The following MACROD2 variants were observed in gnomAD, a reference collection of about 807,000 sequenced individuals.
The protein encoded by MACROD2 is ADP-ribose glycohydrolase MACROD2.
A neutral mutation model predicts 70.4 loss-of-function variants in MACROD2; 36 were observed. That is an observed-to-expected ratio of 0.51 (90% confidence interval 0.39 to 0.68). The LOEUF (loss-of-function observed/expected upper bound fraction) is 0.68, where lower values mean the gene tolerates loss of function less well. Among genes scored for constraint, MACROD2 ranks in the 30% least tolerant of loss-of-function variants. The pLI is 0.00. For missense variants in MACROD2, 496 were observed against 538.4 expected (o/e 0.92, Z 0.78); for synonymous variants, 172 against 178.8 (o/e 0.96, Z 0.30).
chr20:14,577,100 T>A (rs920894146), intron 4 of MACROD2, among the ~76,000 whole-genome samples: 1 of 152,182 alleles, frequency 6.6e-6, no homozygotes, highest in Non-Finnish European at 1.5e-5. Flanking sequence ...TGCTTCATCT[T>A]AAAGGAGTGA....
intron 5 of MACROD2, among the ~76,000 whole-genome samples, chr20:15,196,171 G>A (rs934823641): frequency 1.3e-5 from 2 of 151,740 alleles, no homozygotes; most frequent in African/African-American, 4.8e-5. Context: ...GATCTGTGCA[G>A]CAAAACCATC....
chr20:15,487,170 T>C (rs1209355174), intron 7 of MACROD2, among the ~76,000 whole-genome samples: 1 of 152,188 alleles, frequency 6.6e-6, no homozygotes, highest in African/African-American at 2.4e-5. Context: ...CAGGGAAATA[T>C]GTTCCACCCA....
At chr20:14,755,648 A>G (rs1282640860) in intron 5 of MACROD2, among the ~76,000 whole-genome samples, 2 of 152,094 alleles carry the variant, frequency 1.3e-5, no homozygotes, top group Admixed American at 6.5e-5. Flanking sequence ...AATGAACATT[A>G]TTGCTGAAGT....
At chr20:16,004,612 C>T (rs755953697) in intron 15 of MACROD2, among the ~76,000 whole-genome samples, 1 of 152,228 alleles carries the variant, frequency 6.6e-6, no homozygotes, top group Non-Finnish European at 1.5e-5. Context: ...CACTAGCTCT[C>T]TTATACTCTC....
intron 7 of MACROD2, among the ~76,000 whole-genome samples, chr20:15,452,720 C>G (rs1163536485): frequency 1.3e-5 from 2 of 152,098 alleles, no homozygotes; most frequent in African/African-American, 4.8e-5. Context: ...AACTCAGGGC[C>G]AGGGGCTTGT....
At chr20:14,837,603 A>G (rs892077376) in intron 5 of MACROD2, among the ~76,000 whole-genome samples, 1 of 152,032 alleles carries the variant, frequency 6.6e-6, no homozygotes, top group Non-Finnish European at 1.5e-5. Context: ...CTGAGATGGT[A>G]CTACAACAGG....
intron 6 of MACROD2, among the ~76,000 whole-genome samples, chr20:15,303,184 T>G (rs1194830508): frequency 6.6e-6 from 1 of 152,238 alleles, no homozygotes; most frequent in Non-Finnish European, 1.5e-5. Context: ...GCATTCTTTC[T>G]TTCTGAACAT....
chr20:14,557,965 A>T (rs960586803), intron 4 of MACROD2, among the ~76,000 whole-genome samples: 1 of 151,888 alleles, frequency 6.6e-6, no homozygotes, highest in Admixed American at 6.6e-5. Context: ...AAATGGAACA[A>T]CTTAAATGTC....
chr20:14,443,320 AGTGTCTTGCTCTGTCACC>A (rs2084146946), intron 3 of MACROD2, among the ~76,000 whole-genome samples: 1 of 142,042 alleles, frequency 7.0e-6, no homozygotes, highest in Non-Finnish European at 1.5e-5. Context: ...TTTTTGAGGC[AGTGTCTTGCTCTGTCACC>A]CAGGCTGGAG....
In MACROD2 at chr20:15,351,588, C is replaced by T. The variant is rs1466802733; in HGVS notation, c.541-79817C>T. Among the ~76,000 whole-genome samples, 7 of 152,252 alleles carry T rather than the reference C, an allele frequency of 4.6e-5. No homozygotes were observed. The East Asian group carries it at 1.4e-3, about 29-fold the overall frequency. The stretch of plus-strand genomic sequence containing the variant: ...TCAATGGGTTGAGTTTGATCAGTGT[C>T]CTTTCCCTCTAAAAAGTCATAGCTG... On this transcript the variant is annotated intron_variant, in intron 6 of 17. Coordinates refer to ENST00000684519, the MANE Select transcript of MACROD2 (RefSeq NM_001351661.2).
intron 4 of MACROD2, among the ~76,000 whole-genome samples, chr20:14,511,148 T>C (rs1370929116): frequency 6.6e-6 from 1 of 152,092 alleles, no homozygotes; most frequent in Non-Finnish European, 1.5e-5. Context: ...CTTTTGGTTA[T>C]CAAGGAAGTC....
chr20:15,123,203 C>A (rs749710880), intron 5 of MACROD2, among the ~76,000 whole-genome samples: 1 of 152,108 alleles, frequency 6.6e-6, no homozygotes, highest in Non-Finnish European at 1.5e-5. Flanking sequence ...ACATGGACAA[C>A]AAGCTGCAGC....
chr20:15,540,332 G>T (rs184741479), intron 8 of MACROD2, among the ~76,000 whole-genome samples: 2 of 152,164 alleles, frequency 1.3e-5, no homozygotes, highest in African/African-American at 4.8e-5. Flanking sequence ...TTTTACTAAA[G>T]GAATGACATG....
At position 14,266,397 on chromosome 20, in the gene MACROD2, G is replaced by A. The variant is rs191543244; in HGVS notation, c.271+180669G>A. On this transcript the variant is annotated intron_variant, in intron 3 of 17. Transcript: ENST00000684519. ...TGAGAGGAATCAGGGCAGAGGATAA[G>A]GATATAGAGAACTCTGCCTCTTTTC... Among the ~76,000 whole-genome samples, 202 of 152,260 alleles carry A rather than the reference G, an allele frequency of 1.3e-3. 2 individuals carry two copies. Among genetic ancestry groups the A allele is most frequent in the Non-Finnish European group, 2.1e-3 (142 of 68,014 alleles).
intron 3 of MACROD2, among the ~76,000 whole-genome samples, chr20:14,280,315 G>A (rs1017774907): frequency 6.6e-6 from 1 of 152,114 alleles, no homozygotes; most frequent in Non-Finnish European, 1.5e-5. Context: ...AATACTGTAG[G>A]AGTTTATGAT....
chr20:14,742,915 C>A (rs1289010697), intron 5 of MACROD2, among the ~76,000 whole-genome samples: 1 of 151,152 alleles, frequency 6.6e-6, no homozygotes, highest in Non-Finnish European at 1.5e-5. Context: ...TACAGGCGCC[C>A]GCCACTATGC....
At chr20:14,315,429 ATATTT>A (rs1713728144) in intron 3 of MACROD2, among the ~76,000 whole-genome samples, 1 of 152,176 alleles carries the variant, frequency 6.6e-6, no homozygotes, top group Non-Finnish European at 1.5e-5. Context: ...CATCCAACAA[ATATTT>A]TATAAGTGTC....
chr20:15,839,486 T>C (rs2064148682), intron 8 of MACROD2, among the ~76,000 whole-genome samples: 1 of 152,168 alleles, frequency 6.6e-6, no homozygotes, highest in South Asian at 2.1e-4. Context: ...ATTTTCACTT[T>C]CTGCTCTTGG....
At chr20:14,661,296 A>C (rs1986215122) in intron 4 of MACROD2, among the ~76,000 whole-genome samples, 1 of 151,936 alleles carries the variant, frequency 6.6e-6, no homozygotes, top group African/African-American at 2.4e-5. Flanking sequence ...ATCTCTCGAC[A>C]TTTAGTGATT....
Sources: allele counts gnomAD v4.1 joint callset (sites outside exome capture counted in the v4.1 genomes callset), GRCh38; gene constraint gnomAD v4.1.1; transcripts MANE v1.5; gene names NCBI Gene and HGNC (gene_info 2026-07-23, HGNC 2026-07-21).